HAS3: variants seen among roughly 807,000 people sequenced by gnomAD.
The protein encoded by HAS3 is hyaluronan synthase 3, also known as HA synthase 3.
Under a neutral mutation model 50.3 loss-of-function variants are expected in HAS3, and 27 were observed. The observed-to-expected ratio is 0.54, with a 90% CI of 0.40 to 0.74. The LOEUF (loss-of-function observed/expected upper bound fraction) is 0.74, where lower values mean the gene tolerates loss of function less well. HAS3 is among the 30% of genes least tolerant of loss of function. HAS3 has a pLI of 0.00. For missense variants in HAS3, 517 were observed against 742.8 expected (o/e 0.70, Z 3.53); for synonymous variants, 339 against 310.9 (o/e 1.09, Z -0.95).
rs780416731 is a variant in HAS3, at chr16:69,114,529, G to A, written c.925G>A (p.Gly309Ser). The stretch of plus-strand genomic sequence containing the variant: ...GGACTGGTACCATCAGAAGTTCCTA[G>A]GCAGCAAGTGCAGCTTCGGGGATGA... ...LEDWYHQKFL[G>S]SKCSFGDDRH... The change falls in exon 4 of 4, where the codon GGC (glycine) becomes AGC (serine). Residue 309 changes from glycine to serine, a missense_variant. By Grantham distance (56) the Gly-to-Ser change is moderately conservative. Coordinates refer to ENST00000569188, the MANE Select transcript of HAS3 (RefSeq NM_001199280.2). This position sits in a 1 kb window ranked among gnomAD's most constrained non-coding sequence, Gnocchi z 6.4. 1 of 1,614,110 alleles carries A rather than the reference G, an allele frequency of 6.2e-7. No homozygotes were observed. Among genetic ancestry groups the A allele is most frequent in the South Asian group, 1.1e-5 (1 of 91,088 alleles).
At chr16:69,096,445 A>C in the HAS3 span, among the ~76,000 whole-genome samples, 1 of 140,604 alleles carries the variant, frequency 7.1e-6, no homozygotes, top group Non-Finnish European at 1.5e-5. Context: ...CTGAGGCAGG[A>C]GAATTGCTTG....
upstream of HAS3, among the ~76,000 whole-genome samples, chr16:69,103,018 T>C (rs1008966245): frequency 1.4e-5 from 2 of 142,374 alleles, no homozygotes; most frequent in African/African-American, 4.9e-5. Flanking sequence ...TGTGTGTGTG[T>C]GTGTGTGTGT....
At chr16:69,090,692 C>T in the HAS3 span, among the ~76,000 whole-genome samples, 108 of 152,222 alleles carry the variant, frequency 7.1e-4, no homozygotes, top group African/African-American at 2.5e-3. Context: ...CTCAGCCTCC[C>T]GAGTAGCTGG....
At chr16:69,088,423 G>T in the HAS3 span, among the ~76,000 whole-genome samples, 5 of 151,898 alleles carry the variant, frequency 3.3e-5, no homozygotes, top group African/African-American at 7.3e-5. Flanking sequence ...AGGCAGGTGT[G>T]GTTGGGCGCG....
the HAS3 span, chr16:69,084,394 T>G: frequency 6.6e-6 from 1 of 152,298 alleles, no homozygotes; most frequent in Non-Finnish European, 1.5e-5. Flanking sequence ...AGAGTTGCCC[T>G]GATTATCAGG....
At chr16:69,094,075 A>G in the HAS3 span, among the ~76,000 whole-genome samples, 1 of 152,166 alleles carries the variant, frequency 6.6e-6, no homozygotes, top group Non-Finnish European at 1.5e-5. Context: ...TGATTTCAGG[A>G]GAGAGTGGTT....
At chr16:69,101,934 G>A (rs569326654), upstream of HAS3, among the ~76,000 whole-genome samples, 1 of 152,236 alleles carries the variant, frequency 6.6e-6, no homozygotes, top group East Asian at 1.9e-4. Flanking sequence ...ACAGGCGCAA[G>A]CTGCCACACC....
Position 69,114,883 on chromosome 16 carries a change from G to A in HAS3, c.1279G>A (p.Ala427Thr). The A allele has an allele frequency of 1.2e-6, 2 of 1,614,070 alleles. No individual in the cohort carries two copies. Among genetic ancestry groups the A allele is most frequent in the Non-Finnish European group, 1.7e-6 (2 of 1,180,028 alleles). Reference protein sequence around the residue: ...QLVGIIKATYACFLRGNAEMI... With the variant: ...QLVGIIKATYTCFLRGNAEMI... Reference sequence around the variant, plus strand: ...GGTGGGCATTATCAAGGCCACCTACGCCTGCTTCCTTCGGGGCAATGCAGA... The same window carrying A: ...GGTGGGCATTATCAAGGCCACCTACACCTGCTTCCTTCGGGGCAATGCAGA... The change falls in exon 4 of 4, where the codon GCC becomes ACC. Residue 427 changes from alanine to threonine, a missense_variant. Transcript: ENST00000569188. The surrounding 1 kb of genome is among the most constrained non-coding windows in gnomAD (Gnocchi z 6.4).
At chr16:69,096,335 A>C in the HAS3 span, among the ~76,000 whole-genome samples, 1 of 151,572 alleles carries the variant, frequency 6.6e-6, no homozygotes, top group Admixed American at 6.6e-5. Flanking sequence ...GTTTGAGACC[A>C]GTCTGGCCAA....
At chr16:69,110,552 C>T (rs1299399059) in intron 2 of HAS3, among the ~76,000 whole-genome samples, 9 of 152,154 alleles carry the variant, frequency 5.9e-5, no homozygotes, top group East Asian at 1.9e-4. Flanking sequence ...CTAGTAACTG[C>T]GATTACAGGC....
In HAS3 at chr16:69,114,787, G is replaced by T; in HGVS notation, c.1183G>T (p.Ala395Ser). Residue 395 changes from alanine to serine, a missense_variant, in exon 4 of 4, where the codon GCC becomes TCC. Physicochemically the swap from Ala to Ser is moderately conservative, Grantham distance 99. Transcript: ENST00000569188. This position sits in a 1 kb window ranked among gnomAD's most constrained non-coding sequence, Gnocchi z 6.4. ...GGGTTTCTTCCCCTTCTTCCTCATT[G>T]CCACGGTTATACAGCTTTTCTACCG... ...VTGFFPFFLI[A>S]TVIQLFYRGR... 1 of 1,614,010 alleles carries T rather than the reference G, an allele frequency of 6.2e-7. No homozygotes were observed. Among genetic ancestry groups the T allele is most frequent in the Non-Finnish European group, 8.5e-7 (1 of 1,180,004 alleles).
upstream of HAS3, among the ~76,000 whole-genome samples, chr16:69,101,985 C>T (rs1028034631): frequency 4.6e-5 from 7 of 152,136 alleles, no homozygotes; most frequent in African/African-American, 1.7e-4. Flanking sequence ...AGGGTTTCAC[C>T]ATGTTGGCCA....
the HAS3 span, among the ~76,000 whole-genome samples, chr16:69,096,611 CA>C: frequency 7.4e-6 from 1 of 134,670 alleles, no homozygotes; most frequent in South Asian, 2.3e-4. Context: ...ATCCCAACAC[CA>C]ATTTTTTTTT....
At chr16:69,104,992 GTTTTTTTTTTTT>G (rs565397720), upstream of HAS3, among the ~76,000 whole-genome samples, 565 of 81,942 alleles carry the variant, frequency 6.9e-3, 2 homozygotes, top group Non-Finnish European at 9.7e-3. Context: ...CTGTTTTTTG[GTTTTTTTTTTTT>G]TTTTTTTTTT....
the HAS3 span, among the ~76,000 whole-genome samples, chr16:69,091,120 A>G: frequency 6.6e-6 from 1 of 151,770 alleles, no homozygotes; most frequent in East Asian, 1.9e-4. Flanking sequence ...TCTCACCTCA[A>G]CTCCTGCCCA....
In HAS3 at chr16:69,116,632, G is replaced by A. The variant is rs1961195345; in HGVS notation, c.*1366G>A. 6 of 985,280 alleles carry A rather than the reference G, an allele frequency of 6.1e-6. No individual in the cohort carries two copies. The highest frequency in any genetic ancestry group is 6.0e-6 in the Non-Finnish European group (5 of 829,736). The allele number at this position is 985,280 out of a possible 1,614,324, so 61.0% of individuals were successfully genotyped here. ...AGAAACCAAACTAGGAGATGAAACT[G>A]GTTCCTACATCCTAAGGTTCTTGCT... On this transcript the variant is annotated 3_prime_UTR_variant, in exon 4 of 4. Coordinates refer to ENST00000569188, the MANE Select transcript of HAS3 (RefSeq NM_001199280.2).
At chr16:69,087,923 C>T in the HAS3 span, among the ~76,000 whole-genome samples, 2 of 151,124 alleles carry the variant, frequency 1.3e-5, no homozygotes, top group African/African-American at 4.9e-5. Context: ...AGGCTGGTCT[C>T]CAACTCCTGA....
rs1960845239 is a variant in HAS3, at chr16:69,107,523, G to A, written c.-1+1736G>A. The stretch of plus-strand genomic sequence containing the variant: ...TTTGCCAAGAGGCGAGGCTCGAGCG[G>A]GGATGAGAAGCGTGGCGAGTGCGTT... On this transcript the variant is annotated intron_variant, in intron 1 of 3. Transcript: ENST00000569188. The surrounding 1 kb of genome is among the most constrained non-coding windows in gnomAD (Gnocchi z 5.5). 1 of 985,430 alleles carries A rather than the reference G, an allele frequency of 1.0e-6. No homozygotes were observed. The highest frequency in any genetic ancestry group is 1.7e-5 in the African/African-American group (1 of 57,256). 61.0% of individuals were successfully genotyped at this position (985,430 alleles called of 1,614,324 possible).
At chr16:69,108,536 G>A (rs537645051) in intron 1 of HAS3, among the ~76,000 whole-genome samples, 2 of 152,188 alleles carry the variant, frequency 1.3e-5, no homozygotes, top group African/African-American at 2.4e-5. Flanking sequence ...TGGCTGGGCA[G>A]GGGGACACGC....
Sources: gnomAD v4.1 joint callset for allele counts (sites outside exome capture counted in the v4.1 genomes callset) on GRCh38, gnomAD v4.1.1 for gene constraint, Gnocchi (gnomAD v3.1) non-coding constraint, MANE v1.5 for transcripts, NCBI Gene and HGNC (gene_info 2026-07-23, HGNC 2026-07-21) for gene names.